Variants in SLC35D4 observed in about 807,000 individuals in gnomAD.
SLC35D4 encodes the protein solute carrier family 35 member D4, also known as UDP-N-acetylglucosamine transporter SLC35D4.
At chr18:23,370,227 G>C in the SLC35D4 span, 3 of 1,608,926 alleles carry the variant, frequency 1.9e-6, no homozygotes, top group South Asian at 3.3e-5. Context: ...TTAATGCACT[G>C]GGTTTCTGGG....
the SLC35D4 span, among the ~76,000 whole-genome samples, chr18:23,310,930 TC>T: frequency 6.6e-6 from 1 of 152,126 alleles, no homozygotes; most frequent in African/African-American, 2.4e-5. Context: ...CTGGGTATTG[TC>T]CTCAGGGGCA....
chr18:23,304,935 C>G, the SLC35D4 span, among the ~76,000 whole-genome samples: 1 of 152,354 alleles, frequency 6.6e-6, no homozygotes, highest in East Asian at 1.9e-4. Context: ...TTCTTATTCA[C>G]TGGGCATTAA....
At chr18:23,422,258 T>TAC in the SLC35D4 span, among the ~76,000 whole-genome samples, 13 of 151,956 alleles carry the variant, frequency 8.6e-5, no homozygotes, top group South Asian at 2.1e-4. Context: ...GCCCAATAGA[T>TAC]ACCGTTTCAA....
chr18:23,242,425 CA>C, the SLC35D4 span, among the ~76,000 whole-genome samples: 1 of 152,168 alleles, frequency 6.6e-6, no homozygotes, highest in Non-Finnish European at 1.5e-5. Context: ...TGGTGTGTCT[CA>C]GGGGAGGGCG....
the SLC35D4 span, among the ~76,000 whole-genome samples, chr18:23,325,426 CAG>C: frequency 1.3e-5 from 2 of 151,946 alleles, no homozygotes; most frequent in Non-Finnish European, 2.9e-5. Flanking sequence ...AAAACCACAC[CAG>C]GGTGGCTGCT....
chr18:23,353,527 C>T, the SLC35D4 span, among the ~76,000 whole-genome samples: 1 of 152,060 alleles, frequency 6.6e-6, no homozygotes, highest in African/African-American at 2.4e-5. Flanking sequence ...AAATGTGTAC[C>T]TTCACTTCAT....
At chr18:23,336,957 A>G in the SLC35D4 span, among the ~76,000 whole-genome samples, 1 of 152,108 alleles carries the variant, frequency 6.6e-6, no homozygotes, top group African/African-American at 2.4e-5. Flanking sequence ...TAGTGAGAGC[A>G]AAGTGTGATG....
At chr18:23,423,877 G>C in the SLC35D4 span, among the ~76,000 whole-genome samples, 1 of 152,178 alleles carries the variant, frequency 6.6e-6, no homozygotes, top group Non-Finnish European at 1.5e-5. Flanking sequence ...CGGAGCACTG[G>C]AGAGGGGGCA....
At chr18:23,273,155 T>C in the SLC35D4 span, among the ~76,000 whole-genome samples, 1 of 152,094 alleles carries the variant, frequency 6.6e-6, no homozygotes, top group Non-Finnish European at 1.5e-5. Context: ...TGGGAAAGAC[T>C]TGAGGGTGTT....
At chr18:23,410,058 T>C in the SLC35D4 span, among the ~76,000 whole-genome samples, 1 of 152,158 alleles carries the variant, frequency 6.6e-6, no homozygotes, top group African/African-American at 2.4e-5. Flanking sequence ...CACCTGGAAA[T>C]CTGGTTATGA....
At chr18:23,355,136 T>G in the SLC35D4 span, among the ~76,000 whole-genome samples, 1 of 152,170 alleles carries the variant, frequency 6.6e-6, no homozygotes, top group African/African-American at 2.4e-5. Flanking sequence ...GAGGCTGAGC[T>G]CTGTACAGAA....
At chr18:23,411,516 AG>A in the SLC35D4 span, among the ~76,000 whole-genome samples, 1 of 151,262 alleles carries the variant, frequency 6.6e-6, no homozygotes, top group Non-Finnish European at 1.5e-5. Flanking sequence ...AAAGAAAGAA[AG>A]AAAGAAAGAA....
the SLC35D4 span, among the ~76,000 whole-genome samples, chr18:23,398,363 A>G: frequency 6.6e-6 from 1 of 152,260 alleles, no homozygotes; most frequent in Non-Finnish European, 1.5e-5. Flanking sequence ...AAAAAATTTA[A>G]AAGAATTTGA....
chr18:23,276,702 C>A, the SLC35D4 span, among the ~76,000 whole-genome samples: 5 of 152,228 alleles, frequency 3.3e-5, no homozygotes, highest in African/African-American at 1.2e-4. Flanking sequence ...TCAACCCCGG[C>A]GCTAGCCAGT....
At chr18:23,307,622 G>A in the SLC35D4 span, among the ~76,000 whole-genome samples, 1 of 152,234 alleles carries the variant, frequency 6.6e-6, no homozygotes, top group East Asian at 1.9e-4. Context: ...TCCGAGGCCT[G>A]AGCGGAGGGC....
the SLC35D4 span, chr18:23,373,876 G>A: frequency 5.3e-6 from 6 of 1,126,140 alleles, no homozygotes; most frequent in East Asian, 2.7e-5. Flanking sequence ...AAGATCCTGC[G>A]AGACCAACTT....
chr18:23,350,356 G>A, the SLC35D4 span, among the ~76,000 whole-genome samples: 25 of 152,134 alleles, frequency 1.6e-4, no homozygotes, highest in Admixed American at 1.4e-3. Flanking sequence ...AACACCTTGG[G>A]CCAGAAAGGC....
chr18:23,353,824 C>T, the SLC35D4 span, among the ~76,000 whole-genome samples: 41 of 152,168 alleles, frequency 2.7e-4, 1 homozygote, highest in Non-Finnish European at 2.2e-4. Context: ...TAACCAAATC[C>T]CCCTTCCCAC....
the SLC35D4 span, among the ~76,000 whole-genome samples, chr18:23,431,153 CAAAAAAAAAAAAA>C: frequency 7.5e-5 from 5 of 66,248 alleles, no homozygotes; most frequent in African/African-American, 1.3e-4. Flanking sequence ...GAGTATATCT[CAAAAAAAAAAAAA>C]AAAAAAAAAA....
Sources: gnomAD v4.1 joint callset for allele counts (sites outside exome capture counted in the v4.1 genomes callset) on GRCh38, gnomAD v4.1.1 for gene constraint, MANE v1.5 for transcripts, NCBI Gene and HGNC (gene_info 2026-07-23, HGNC 2026-07-21) for gene names.